Variants in PKHD1L1 observed in about 807,000 individuals in gnomAD.
The protein encoded by PKHD1L1 is PKHD1 like 1, also known as fibrocystin-L.
In PKHD1L1, 434 loss-of-function variants were observed where a neutral mutation model predicts 462.9. The observed-to-expected ratio is 0.94, with a 90% CI of 0.87 to 1.02. The LOEUF is 1.02. Among genes scored for constraint, PKHD1L1 ranks in the 50% least tolerant of loss-of-function variants. The pLI is 0.00. For synonymous variants in PKHD1L1, 1,781 were observed against 1,750.0 expected, an observed-to-expected ratio of 1.02 and a Z score of -0.44; for missense variants, 5,202 against 5,096.1, an observed-to-expected ratio of 1.02 and a Z score of -0.63.
At chr8:109,518,139 G>A in intron 72 of PKHD1L1, 28 bp from the exon 73 acceptor site, 1 of 1,374,018 alleles carries the variant, frequency 7.3e-7, no homozygotes, top group Non-Finnish European at 1.0e-6. Flanking sequence ...ATACTTAGCT[G>A]TGATGTTCTG....
chr8:109,508,641 A>G (rs1272738348), intron 70 of PKHD1L1, among the ~76,000 whole-genome samples: 1 of 152,192 alleles, frequency 6.6e-6, no homozygotes, highest in Non-Finnish European at 1.5e-5. Flanking sequence ...CCTAACGTAT[A>G]TTAAAAACTG....
chr8:109,396,174 C>A (rs1221550044), intron 11 of PKHD1L1, 37 bp downstream of exon 11: 1 of 1,399,082 alleles, frequency 7.1e-7, no homozygotes, highest in African/African-American at 1.4e-5. Context: ...ACTTTATTAC[C>A]ACAAATTCTG....
chr8:109,398,631 G>A (rs1384123193), intron 12 of PKHD1L1, 83 bp downstream of exon 12: 2 of 556,608 alleles, frequency 3.6e-6, no homozygotes, highest in East Asian at 4.0e-5. Context: ...TAAATTTTTA[G>A]AATTTAGAAT....
intron 72 of PKHD1L1, among the ~76,000 whole-genome samples, chr8:109,515,624 G>C (rs760992139): frequency 5.3e-5 from 8 of 152,050 alleles, no homozygotes; most frequent in Middle Eastern, 3.2e-3. Flanking sequence ...AAGAGATTTT[G>C]CTTAAAAGTT....
rs1367107424 is a variant in PKHD1L1 at position 109,515,269 on chromosome 8, C to A, written c.11653C>A (p.Gln3885Lys). 3.1e-6 allele frequency: 5 copies of A among 1,601,510 alleles called. No homozygotes were observed. The highest frequency in any genetic ancestry group is 4.3e-6 in the Non-Finnish European group (5 of 1,172,612). The change falls in exon 72 of 78, where the codon CAG (glutamine) becomes AAG (lysine). Residue 3885 changes from glutamine (Q) to lysine (K), a missense_variant. By Grantham distance (53) the Gln-to-Lys change is moderately conservative (BLOSUM62 1). Transcript: ENST00000378402. Reference sequence around the variant, plus strand: ...AAAAACTACAATATGGAATGCCCAGCAGAAACACTGTGAACTTAATAACCA... The same window carrying A: ...AAAAACTACAATATGGAATGCCCAGAAGAAACACTGTGAACTTAATAACCA... ...CPKTTIWNAQQKHCELNNHLY... is the reference protein window; with the variant it reads ...CPKTTIWNAQKKHCELNNHLY...
At position 109,443,254 on chromosome 8, in the gene PKHD1L1, T is replaced by G. The variant is rs772507141; in HGVS notation, c.4564+138T>G. The G allele has an allele frequency of 1.1e-4, 80 of 755,496 alleles. 1 individual carries two copies. The highest frequency in any genetic ancestry group is 1.6e-4 in the Non-Finnish European group (73 of 462,926). The allele number at this position is 755,496 out of a possible 1,614,324, so 46.8% of individuals were successfully genotyped here. A position where few individuals can be genotyped will look rare whatever the true frequency, so the allele number is the denominator to read the frequency against. ...ACGTGACCTTGAATAGGTTTGGGCT[T>G]CTCTGAGGCTGGAATTTATCCTCTA... On this transcript the variant is annotated intron_variant, in intron 36 of 77. Coordinates refer to ENST00000378402, the MANE Select transcript of PKHD1L1 (RefSeq NM_177531.6).
rs939582214 is a variant in PKHD1L1 at position 109,461,976 on chromosome 8, A to G, written c.7383+68A>G. ...TATCCATACAAGAAATGTGTGTTGA[A>G]CTCCTGCTGTTTGTCAATGCTACTT... On this transcript the variant is annotated intron_variant, in intron 48 of 77. Transcript: ENST00000378402. The G allele has an allele frequency of 2.6e-5, 39 of 1,493,256 alleles. No individual in the cohort carries two copies. The Admixed American group carries it at 2.8e-4, about 11-fold the overall frequency. 92.5% of individuals were successfully genotyped at this position (1,493,256 alleles called of 1,614,324 possible).
intron 72 of PKHD1L1, 31 bp from the exon 73 acceptor site, chr8:109,518,136 G>C (rs374550300): frequency 7.5e-5 from 100 of 1,330,836 alleles, no homozygotes; most frequent in Admixed American, 1.7e-4. Flanking sequence ...AAAATACTTA[G>C]CTGTGATGTT....
In PKHD1L1 at chr8:109,448,270, C is replaced by A; in HGVS notation, c.5904C>A (p.Ile1968=). The A allele has an allele frequency of 6.2e-7, 1 of 1,613,336 alleles. No homozygotes were observed. The change falls in exon 39 of 78, where the codon ATC becomes ATA. Residue 1968 remains isoleucine (I), a synonymous_variant. Coordinates refer to ENST00000378402, the MANE Select transcript of PKHD1L1 (RefSeq NM_177531.6). ...TMANDSVVQC[I]VGDHAGGTFP... is the part of the protein sequence containing the mutation. ...CCAATGATAGTGTGGTGCAGTGCAT[C>A]GTGGGAGATCATGCTGGGGGCACAT... is the stretch of plus-strand genomic sequence containing the variant.
At chr8:109,460,226 A>G (rs1444517465) in intron 47 of PKHD1L1, among the ~76,000 whole-genome samples, 3 of 152,126 alleles carry the variant, frequency 2.0e-5, no homozygotes, top group Non-Finnish European at 2.9e-5. Flanking sequence ...CATTATTTAT[A>G]TTTACTCAGA....
chr8:109,433,030 G>C, intron 27 of PKHD1L1, 76 bp from the exon 28 acceptor site: 1 of 1,063,522 alleles, frequency 9.4e-7, no homozygotes, highest in Non-Finnish European at 1.4e-6. Flanking sequence ...ATTTTTATTT[G>C]AGAAATGTCT....
intron 50 of PKHD1L1, among the ~76,000 whole-genome samples, chr8:109,467,405 C>T (rs1343184715): frequency 6.6e-6 from 1 of 150,608 alleles, no homozygotes; most frequent in Non-Finnish European, 1.5e-5. Context: ...CCCCTTCCCC[C>T]CACTGCCCCG....
At chr8:109,439,210 T>C (rs997833194) in intron 32 of PKHD1L1, 118 bp downstream of exon 32, 2 of 930,222 alleles carry the variant, frequency 2.2e-6, no homozygotes, top group African/African-American at 1.7e-5. Context: ...TACCTTCCTA[T>C]ATCTTCTTTG....
chr8:109,427,189 C>A, intron 25 of PKHD1L1, 33 bp downstream of exon 25: 1 of 1,526,240 alleles, frequency 6.6e-7, no homozygotes, highest in South Asian at 1.1e-5. Context: ...CTCTTTTCTT[C>A]TATGTGCTGT....
At chr8:109,387,256 G>T (rs1386122959) in intron 6 of PKHD1L1, among the ~76,000 whole-genome samples, 1 of 152,192 alleles carries the variant, frequency 6.6e-6, no homozygotes, top group Non-Finnish European at 1.5e-5. Context: ...CAAATGGATA[G>T]AGGGATTAGT....
intron 23 of PKHD1L1, among the ~76,000 whole-genome samples, chr8:109,421,055 T>C (rs575960845): frequency 6.6e-6 from 1 of 152,160 alleles, no homozygotes; most frequent in South Asian, 2.1e-4. Context: ...ATAAACACCA[T>C]TTATTTTTGC....
intron 7 of PKHD1L1, 60 bp from the exon 8 acceptor site, chr8:109,389,019 C>A: frequency 8.6e-7 from 1 of 1,166,790 alleles, no homozygotes; most frequent in Non-Finnish European, 1.2e-6. Context: ...TTAAGAGAAA[C>A]ACAATATTCT....
intron 22 of PKHD1L1, among the ~76,000 whole-genome samples, chr8:109,420,146 A>G (rs1814389855): frequency 6.6e-6 from 1 of 152,254 alleles, no homozygotes; most frequent in Admixed American, 6.5e-5. Context: ...CATGAAGCAC[A>G]CATCCTAGTG....
Position 109,444,896 on chromosome 8 carries a change from G to A in PKHD1L1, c.5027G>A (p.Ser1676Asn). Reference protein sequence around the residue: ...PNAGSTTGMTSVTIKGSGFAV... With the variant: ...PNAGSTTGMTNVTIKGSGFAV... ...GCAGGATCAACTACAGGAATGACAA[G>A]CGTGACCATAAAAGGCTCTGGATTT... The change falls in exon 38 of 78, where the codon AGC (serine) becomes AAC (asparagine). Residue 1676 changes from serine to asparagine, a missense_variant. Ser to Asn is a conservative substitution (Grantham distance 46). Around this residue, in one of 3 missense-constraint regions of PKHD1L1, gnomAD observed 4,497 missense variants for 4,336.8 expected, o/e 1.04. Transcript: ENST00000378402. The A allele has an allele frequency of 1.2e-6, 2 of 1,614,008 alleles. No individual in the cohort carries two copies. Among genetic ancestry groups the A allele is most frequent in the Non-Finnish European group, 1.7e-6 (2 of 1,179,874 alleles).
Sources: gnomAD v4.1 joint callset for allele counts (sites outside exome capture counted in the v4.1 genomes callset) on GRCh38, gnomAD v4.1.1 for gene constraint, gnomAD v4.1.1 regional missense constraint, MANE v1.5 for transcripts, NCBI Gene and HGNC (gene_info 2026-07-23, HGNC 2026-07-21) for gene names.